ZNF532: variants seen among roughly 807,000 people sequenced by gnomAD.
The protein encoded by ZNF532 is zinc finger protein 532.
ZNF532 carries 22 observed loss-of-function variants against 89.3 expected under a neutral mutation model. The observed-to-expected ratio is 0.25, with a 90% confidence interval of 0.18 to 0.35. The LOEUF (loss-of-function observed/expected upper bound fraction) is 0.35. Ranked by LOEUF, ZNF532 falls within the 10% of genes least tolerant of loss-of-function variation. The probability of loss-of-function intolerance (pLI) is 1.00; values close to 1 mark genes in which losing one functional copy is unlikely to be tolerated. For missense variants in ZNF532, 1,132 were observed against 1,643.4 expected (o/e 0.69, Z 5.38); for synonymous variants, 606 against 649.6 (o/e 0.93, Z 1.02).
intron 5 of ZNF532, among the ~76,000 whole-genome samples, chr18:58,944,801 A>G (rs956733430): frequency 1.3e-5 from 2 of 152,080 alleles, no homozygotes; most frequent in African/African-American, 4.8e-5. Flanking sequence ...CTGGAAGAAC[A>G]TGGAGAGAAC....
chr18:58,880,751 GGCGC>G (rs1166775525), intron 2 of ZNF532, among the ~76,000 whole-genome samples: 1 of 80,224 alleles, frequency 1.2e-5, no homozygotes, highest in Admixed American at 1.3e-4. Flanking sequence ...CCCTCTCATA[GGCGC>G]GCGCGCACGC....
rs73439982 is a variant in ZNF532, at chr18:58,968,545, C to T, written c.3151-10510C>T. ...AGACCCAGGCCAGTGCCTCCCTGAA[C>T]CTTCTCCCTTGTCCTCTCTCAATCT... On this transcript the variant is annotated intron_variant, in intron 7 of 9. Coordinates refer to ENST00000591808, the MANE Select transcript of ZNF532 (RefSeq NM_001375912.1). 8.8e-3 allele frequency among the ~76,000 whole-genome samples: 1,335 copies of T among 152,314 alleles called. 16 individuals are homozygous for T. Among genetic ancestry groups the T allele is most frequent in the African/African-American group, 0.031 (1,276 of 41,556 alleles).
In ZNF532 at chr18:58,949,354, C is replaced by T. The variant is rs115791890; in HGVS notation, c.2868+1125C>T. On this transcript the variant is annotated intron_variant, in intron 6 of 9. Transcript: ENST00000591808. ...CTTTTTAAACAGAGAAACAAGAGAC[C>T]CCATATTATCAGGAACTCAATCTCT... 1.6e-3 allele frequency among the ~76,000 whole-genome samples: 237 copies of T among 152,134 alleles called. 1 individual carries two copies. The highest frequency in any genetic ancestry group is 5.3e-3 in the African/African-American group (222 of 41,500).
chr18:58,968,112 G>A (rs1253506326), intron 7 of ZNF532, among the ~76,000 whole-genome samples: 1 of 152,180 alleles, frequency 6.6e-6, no homozygotes, highest in Non-Finnish European at 1.5e-5. Context: ...TGCCTACCAG[G>A]GCTGCTGTTA....
chr18:58,976,377 TA>T (rs1234124387), intron 7 of ZNF532, among the ~76,000 whole-genome samples: 582 of 152,362 alleles, frequency 3.8e-3, no homozygotes, highest in African/African-American at 0.013. Context: ...ATGTTAATAT[TA>T]CTACACAAGA....
intron 2 of ZNF532, among the ~76,000 whole-genome samples, chr18:58,876,025 C>T (rs1379441436): frequency 1.3e-5 from 2 of 151,154 alleles, no homozygotes; most frequent in South Asian, 2.1e-4. Flanking sequence ...CTCTGCCTCC[C>T]GGGTTCATGC....
At chr18:58,910,630 C>A (rs2060220040) in intron 2 of ZNF532, among the ~76,000 whole-genome samples, 2 of 152,012 alleles carry the variant, frequency 1.3e-5, no homozygotes, top group African/African-American at 4.8e-5. Flanking sequence ...CCAAGCCCAG[C>A]TAATTTTTGT....
At chr18:58,941,468 C>CT (rs71302776) in intron 5 of ZNF532, among the ~76,000 whole-genome samples, 49,019 of 114,884 alleles carry the variant, frequency 0.43, 11,570 homozygotes, top group East Asian at 0.55. Flanking sequence ...CTCTCTCTCT[C>CT]TTTTTTTTTT....
chr18:58,915,917 C>T (rs1188959783), intron 2 of ZNF532, among the ~76,000 whole-genome samples: 1 of 152,256 alleles, frequency 6.6e-6, no homozygotes, highest in African/African-American at 2.4e-5. Context: ...TCACCAAAGT[C>T]ATAAAGAGAG....
intron 2 of ZNF532, among the ~76,000 whole-genome samples, chr18:58,871,071 T>A (rs1413725574): frequency 6.6e-6 from 1 of 152,124 alleles, no homozygotes; most frequent in Non-Finnish European, 1.5e-5. Context: ...GTGGCTTACG[T>A]AGTAAAAACC....
At position 58,918,909 on chromosome 18, in the gene ZNF532, A is replaced by G. The variant is rs1314084052; in HGVS notation, c.622A>G (p.Ser208Gly). 1 of 1,613,912 alleles carries G rather than the reference A, an allele frequency of 6.2e-7. No homozygotes were observed. The highest frequency in any genetic ancestry group is 1.3e-5 in the African/African-American group (1 of 74,856). Residue 208 changes from serine to glycine, a missense_variant, in exon 3 of 10, where the codon AGT becomes GGT. Ser to Gly is a moderately conservative substitution (Grantham distance 56). Around this residue, in one of 9 missense-constraint regions of ZNF532, gnomAD observed 302 missense variants for 319.8 expected, o/e 0.94. Transcript: ENST00000591808. ...AGCTGTTAAGAGAGAAACAGAAGCC[A>G]GTTCTATAAACCTGAGTGTTTATGA... ...NKAVKRETEA[S>G]SINLSVYEPF...
chr18:58,951,645 T>TGTTTTTTTTTG (rs1555746489), intron 6 of ZNF532, among the ~76,000 whole-genome samples: 1 of 88,934 alleles, frequency 1.1e-5, no homozygotes, highest in African/African-American at 4.8e-5. Flanking sequence ...CTCGCCCTGT[T>TGTTTTTTTTTG]GTTTTTTTTT....
chr18:58,972,745 C>T lies in ZNF532; in HGVS notation c.3151-6310C>T, dbSNP rs571455083. On this transcript the variant is annotated intron_variant, in intron 7 of 9. Coordinates refer to ENST00000591808, the MANE Select transcript of ZNF532 (RefSeq NM_001375912.1). ...CATTTATTACAGGCTCTTTCTTATC[C>T]GTATTTAAACACCGTCATGTCTTGG... Among the ~76,000 whole-genome samples the T allele has an allele frequency of 9.2e-5, 14 of 152,222 alleles. No homozygotes were observed. The East Asian group carries it at 1.7e-3, about 19-fold the overall frequency.
chr18:58,954,026 T>C, intron 7 of ZNF532: 1 of 985,154 alleles, frequency 1.0e-6, no homozygotes, highest in Non-Finnish European at 1.2e-6. Flanking sequence ...TCCTCCAGAC[T>C]GGTGTGCATG....
In ZNF532 at chr18:58,888,897, A is replaced by AT. The variant is rs1568249457; in HGVS notation, c.-18+23319dup. Reference sequence around the variant, plus strand: ...TATATTATATATATATATTTTATATATATATATATATATATAATTCATACA... The same window carrying AT: ...TATATTATATATATATATTTTATATATTATATATATATATATAATTCATACA... On this transcript the variant is annotated intron_variant, in intron 2 of 9. Coordinates refer to ENST00000591808, the MANE Select transcript of ZNF532 (RefSeq NM_001375912.1). 3.5e-4 allele frequency among the ~76,000 whole-genome samples: 27 copies of AT among 77,526 alleles called. 1 individual carries two copies. The highest frequency in any genetic ancestry group is 7.1e-4 in the South Asian group (2 of 2,832). The allele number at this position is 77,526 out of a possible 152,430, so 50.9% of individuals were successfully genotyped here. A position where few individuals can be genotyped will look rare whatever the true frequency, so the allele number is the denominator to read the frequency against.
chr18:58,941,864 C>A (rs1468480612), intron 5 of ZNF532, among the ~76,000 whole-genome samples: 1 of 139,394 alleles, frequency 7.2e-6, no homozygotes, highest in African/African-American at 2.8e-5. Context: ...CTCTTTCTTT[C>A]TTTTCTTTCT....
chr18:58,949,797 A>T (rs865855646), intron 6 of ZNF532, among the ~76,000 whole-genome samples: 24 of 152,344 alleles, frequency 1.6e-4, no homozygotes, highest in Non-Finnish European at 1.3e-4. Flanking sequence ...TCCTGTATTA[A>T]ACATGTGTGA....
chr18:58,932,354 A>T (rs1006072407), intron 3 of ZNF532: 1 of 152,192 alleles, frequency 6.6e-6, no homozygotes, highest in African/African-American at 2.4e-5. Flanking sequence ...CATTTGTAGT[A>T]TATCTTGATG....
At chr18:58,969,873 CTTTTTTT>C (rs10617418) in intron 7 of ZNF532, among the ~76,000 whole-genome samples, 3 of 84,706 alleles carry the variant, frequency 3.5e-5, no homozygotes, top group Non-Finnish European at 6.3e-5. Flanking sequence ...ATATTTGTCC[CTTTTTTT>C]TTTTTTTTTT....
Sources: gnomAD v4.1 joint callset for allele counts (sites outside exome capture counted in the v4.1 genomes callset) on GRCh38, gnomAD v4.1.1 for gene constraint, gnomAD v4.1.1 regional missense constraint, MANE v1.5 for transcripts, NCBI Gene and HGNC (gene_info 2026-07-23, HGNC 2026-07-21) for gene names.